SMARCA2: variants seen among roughly 807,000 people sequenced by gnomAD.
The protein encoded by SMARCA2 is SWI/SNF-related matrix-associated actin-dependent regulator of chromatin subfamily A member 2.
A neutral mutation model predicts 199.8 loss-of-function variants in SMARCA2; 61 were observed. The ratio of observed to expected loss-of-function variants is 0.31; its 90% CI spans 0.25 to 0.38. SMARCA2 has a LOEUF of 0.38. SMARCA2 is among the 10% of genes least tolerant of loss of function. The probability of loss-of-function intolerance (pLI) is 1.00; values close to 1 mark genes in which losing one functional copy is unlikely to be tolerated. For synonymous variants in SMARCA2, 935 were observed against 732.0 expected, an observed-to-expected ratio of 1.28 and a Z score of -4.48; for missense variants, 1,344 against 2,012.2, an observed-to-expected ratio of 0.67 and a Z score of 6.35.
chr9:2,051,705 A>G (rs1820126413), intron 5 of SMARCA2, among the ~76,000 whole-genome samples: 1 of 152,234 alleles, frequency 6.6e-6, no homozygotes, highest in Non-Finnish European at 1.5e-5. Context: ...TCTGCAAGGA[A>G]TCTAGAACCA....
intron 28 of SMARCA2, among the ~76,000 whole-genome samples, chr9:2,165,211 A>C (rs772236633): frequency 2.6e-5 from 4 of 152,218 alleles, no homozygotes; most frequent in African/African-American, 7.2e-5. Flanking sequence ...AGTCATGTAG[A>C]TTAACAGCAT....
intron 3 of SMARCA2, among the ~76,000 whole-genome samples, chr9:2,035,767 A>C (rs1206415149): frequency 6.6e-6 from 1 of 152,272 alleles, no homozygotes; most frequent in African/African-American, 2.4e-5. Context: ...AAAGGGAATC[A>C]GAATTAACAT....
In SMARCA2 at chr9:2,083,325, GTTTT is replaced by G; in HGVS notation, c.2349-13_2349-10del. 8.5e-7 allele frequency: 1 copy of G among 1,181,280 alleles called. No individual in the cohort carries two copies. Among genetic ancestry groups the G allele is most frequent in the South Asian group, 1.5e-5 (1 of 65,058 alleles). The allele number at this position is 1,181,280 out of a possible 1,614,324, so 73.2% of individuals were successfully genotyped here. A position where few individuals can be genotyped will look rare whatever the true frequency, so the allele number is the denominator to read the frequency against. On this transcript the variant is annotated intron_variant, in intron 15 of 33. Transcript: ENST00000349721. ...TTTATACAAATGTCTTTTTTCTGTTGTTTTTTTTTTTTGTTCCATAGGACTCTAT... is the reference window on the plus strand; with the variant it reads ...TTTATACAAATGTCTTTTTTCTGTTGTTTTTTTTGTTCCATAGGACTCTAT...
At chr9:2,081,109 T>G (rs1821548085) in intron 14 of SMARCA2, among the ~76,000 whole-genome samples, 2 of 152,234 alleles carry the variant, frequency 1.3e-5, no homozygotes. Context: ...ATCCAGCATC[T>G]GTGGTATGAT....
chr9:2,125,848 A>G (rs1586731197), intron 27 of SMARCA2, among the ~76,000 whole-genome samples: 1 of 152,240 alleles, frequency 6.6e-6, no homozygotes, highest in East Asian at 1.9e-4. Context: ...TAAAAGCAAA[A>G]TAACCTTGTT....
chr9:2,174,924 CAAAAAAAAAAAAA>C (rs61327057), intron 29 of SMARCA2, among the ~76,000 whole-genome samples: 1 of 62,320 alleles, frequency 1.6e-5, no homozygotes, highest in African/African-American at 7.2e-5. Context: ...GACCCTCTCT[CAAAAAAAAAAAAA>C]AAAAAAAAAA....
intron 27 of SMARCA2, among the ~76,000 whole-genome samples, chr9:2,129,255 A>G (rs1185735904): frequency 6.6e-6 from 1 of 152,084 alleles, no homozygotes; most frequent in East Asian, 1.9e-4. Context: ...CATCTCTACT[A>G]AAAATACAAA....
Position 2,168,457 on chromosome 9 carries a change from G to T in SMARCA2, c.4200-1962G>T, listed in dbSNP as rs535134813. ...TTTTGAGTAGGGCTGAAACTCTGCTGAAGGCCTACATATAATCAGCCCATT... is the reference window on the plus strand; with the variant it reads ...TTTTGAGTAGGGCTGAAACTCTGCTTAAGGCCTACATATAATCAGCCCATT... On this transcript the variant is annotated intron_variant, in intron 28 of 33. Transcript: ENST00000349721. Among the ~76,000 whole-genome samples the T allele has an allele frequency of 3.9e-4, 60 of 152,312 alleles. 1 individual carries two copies. The highest frequency in any genetic ancestry group is 2.7e-3 in the Admixed American group (42 of 15,298).
At chr9:2,103,661 T>TGTGAGAGAGA (rs1256201273) in intron 22 of SMARCA2, among the ~76,000 whole-genome samples, 4 of 142,236 alleles carry the variant, frequency 2.8e-5, no homozygotes, top group African/African-American at 1.1e-4. Flanking sequence ...TGTGTGTGTG[T>TGTGAGAGAGA]GAGAGAGAGA....
rs528477989 is a variant in SMARCA2, at chr9:2,020,557, G to A, written c.-37+5153G>A. 4.6e-5 allele frequency among the ~76,000 whole-genome samples: 7 copies of A among 152,248 alleles called. No individual in the cohort carries two copies. The East Asian group carries it at 1.2e-3, about 25-fold the overall frequency. On this transcript the variant is annotated intron_variant, in intron 1 of 33. Coordinates refer to ENST00000349721, the MANE Select transcript of SMARCA2 (RefSeq NM_003070.5). ...TCTGCCAGAGTCATTATGAAAGAGA[G>A]CATATTTATTTACGTAAGATATTTA...
At chr9:2,144,676 C>G (rs765876722) in intron 27 of SMARCA2, among the ~76,000 whole-genome samples, 1 of 152,134 alleles carries the variant, frequency 6.6e-6, no homozygotes, top group Non-Finnish European at 1.5e-5. Context: ...AAAAGAGCCC[C>G]GTCTCCAGGA....
chr9:2,158,683 A>C, intron 27 of SMARCA2: 1 of 356,740 alleles, frequency 2.8e-6, no homozygotes, highest in Non-Finnish European at 5.0e-6. Flanking sequence ...CCCAGCCCCC[A>C]GCGCTGAGTT....
At chr9:2,185,413 G>C (rs1391793765) in intron 31 of SMARCA2, among the ~76,000 whole-genome samples, 1 of 152,152 alleles carries the variant, frequency 6.6e-6, no homozygotes, top group East Asian at 1.9e-4. Context: ...CCACTCATTT[G>C]TCGATGGACC....
intron 31 of SMARCA2, among the ~76,000 whole-genome samples, chr9:2,185,176 ACT>A (rs1295077103): frequency 1.3e-5 from 2 of 151,908 alleles, no homozygotes; most frequent in Non-Finnish European, 2.9e-5. Flanking sequence ...CGAACAACTA[ACT>A]CTCATCTCCT....
chr9:2,150,996 G>T lies in SMARCA2; in HGVS notation c.3982-10690G>T, dbSNP rs117831983. Among the ~76,000 whole-genome samples the T allele has an allele frequency of 4.1e-3, 628 of 151,638 alleles. 24 individuals are homozygous for T. The highest frequency in any genetic ancestry group is 0.037 in the Admixed American group (566 of 15,226). On this transcript the variant is annotated intron_variant, in intron 27 of 33. Coordinates refer to ENST00000349721, the MANE Select transcript of SMARCA2 (RefSeq NM_003070.5). ...TACAGTCACAATCTAAAGTCTTGGG[G>T]ATTAGGACCTCAACGTATGAATTTT...
intron 21 of SMARCA2, among the ~76,000 whole-genome samples, chr9:2,101,143 C>T (rs546725705): frequency 6.6e-6 from 1 of 152,266 alleles, no homozygotes; most frequent in East Asian, 1.9e-4. Flanking sequence ...TGAGTAGGGA[C>T]ACAGCCAAAC....
In SMARCA2 at chr9:2,161,662, G is replaced by A. The variant is rs151176995; in HGVS notation, c.3982-24G>A. ...TTGGTTATTCTCTTGTCTTGAATTT[G>A]TCTCCTTTGTTTCCAACGAACAGGC... On this transcript the variant is annotated intron_variant, in intron 27 of 33. Coordinates refer to ENST00000349721, the MANE Select transcript of SMARCA2 (RefSeq NM_003070.5). The surrounding 1 kb of genome is among the most constrained non-coding windows in gnomAD (Gnocchi z 4.7). 4.5e-3 allele frequency: 6,917 copies of A among 1,536,030 alleles called. 37 individuals carry two copies. Among genetic ancestry groups the A allele is most frequent in the Middle Eastern group, 0.017 (99 of 5,824 alleles).
intron 29 of SMARCA2, chr9:2,181,361 G>A: frequency 2.3e-6 from 1 of 442,020 alleles, no homozygotes; most frequent in Non-Finnish European, 4.0e-6. Flanking sequence ...ACAGAAGTGG[G>A]GACCAAATTG....
Position 2,152,657 on chromosome 9 carries a change from G to C in SMARCA2, c.3982-9029G>C, listed in dbSNP as rs573664375. ...ACCTGAGGTCAGAAGTTCAGGACCA[G>C]CCTGGCCAACATGGCAAAACCCCAT... is the stretch of plus-strand genomic sequence containing the variant. On this transcript the variant is annotated intron_variant, in intron 27 of 33. Coordinates refer to ENST00000349721, the MANE Select transcript of SMARCA2 (RefSeq NM_003070.5). Among the ~76,000 whole-genome samples, 219 of 152,188 alleles carry C rather than the reference G, an allele frequency of 1.4e-3. 1 individual carries two copies. The highest frequency in any genetic ancestry group is 5.0e-3 in the African/African-American group (208 of 41,508).
Sources: gnomAD v4.1 joint callset for allele counts (sites outside exome capture counted in the v4.1 genomes callset) on GRCh38, gnomAD v4.1.1 for gene constraint, Gnocchi (gnomAD v3.1) non-coding constraint, MANE v1.5 for transcripts, NCBI Gene and HGNC (gene_info 2026-07-23, HGNC 2026-07-21) for gene names.